OPALIN: variants seen among roughly 807,000 people sequenced by gnomAD.
OPALIN encodes oligodendrocytic myelin paranodal and inner loop protein.
Under a neutral mutation model 17.8 loss-of-function variants are expected in OPALIN, and 15 were observed. The observed-to-expected ratio is 0.84, with a 90% confidence interval of 0.56 to 1.29. OPALIN has a LOEUF of 1.29. Among genes scored for constraint, OPALIN ranks in the 50% most tolerant of loss-of-function variants. The pLI is 0.00. For synonymous variants in OPALIN, 62 were observed against 63.8 expected, an observed-to-expected ratio of 0.97 and a Z score of 0.14; for missense variants, 170 against 176.0, an observed-to-expected ratio of 0.97 and a Z score of 0.19.
At chr10:96,353,792 C>G (rs1412099240) in intron 2 of OPALIN, among the ~76,000 whole-genome samples, 1 of 152,070 alleles carries the variant, frequency 6.6e-6, no homozygotes, top group Non-Finnish European at 1.5e-5. Context: ...AAGGTTTTGA[C>G]AGGAAAAAGA....
intron 1 of OPALIN, chr10:96,356,800 C>T: frequency 2.5e-6 from 2 of 797,096 alleles, no homozygotes; most frequent in Non-Finnish European, 3.0e-6. Context: ...CCTCTGCTCA[C>T]TTCTCCCCCT....
At chr10:96,354,128 C>A (rs1413153205) in intron 2 of OPALIN, among the ~76,000 whole-genome samples, 1 of 152,012 alleles carries the variant, frequency 6.6e-6, no homozygotes, top group Non-Finnish European at 1.5e-5. Context: ...ACAGCCAAGC[C>A]CACTAAAAAA....
intron 5 of OPALIN, 116 bp from the exon 6 acceptor site, chr10:96,346,233 A>G: frequency 2.4e-6 from 2 of 822,864 alleles, no homozygotes; most frequent in Non-Finnish European, 4.0e-6. Context: ...CAGACACAAC[A>G]TTTGAAGCAA....
intron 1 of OPALIN, among the ~76,000 whole-genome samples, chr10:96,355,928 C>T (rs77193503): frequency 0.061 from 9,247 of 152,278 alleles, 823 homozygotes; most frequent in East Asian, 0.44. Flanking sequence ...ATTTAAAGAT[C>T]GTGGGCTCAG....
intron 1 of OPALIN, among the ~76,000 whole-genome samples, chr10:96,358,606 G>C (rs1246026231): frequency 1.3e-5 from 2 of 152,194 alleles, no homozygotes; most frequent in Non-Finnish European, 2.9e-5. Flanking sequence ...AAGTAAGACA[G>C]ATAAAATCGT....
chr10:96,351,345 T>C (rs1845568900), intron 3 of OPALIN, 33 bp downstream of exon 3: 7 of 1,277,426 alleles, frequency 5.5e-6, no homozygotes, highest in Non-Finnish European at 7.8e-6. Flanking sequence ...ATTATTATTA[T>C]CCCCATTTTA....
intron 5 of OPALIN, among the ~76,000 whole-genome samples, chr10:96,347,727 C>T (rs945700719): frequency 6.6e-6 from 1 of 152,168 alleles, no homozygotes. Context: ...CCCGCCTCAG[C>T]CTCCCAAAAT....
At chr10:96,353,968 C>A (rs954875286) in intron 2 of OPALIN, among the ~76,000 whole-genome samples, 2 of 152,168 alleles carry the variant, frequency 1.3e-5, no homozygotes, top group African/African-American at 4.8e-5. Context: ...ACAGGTCCAG[C>A]AATAAGTCAC....
chr10:96,356,896 G>T, intron 1 of OPALIN: 1 of 985,298 alleles, frequency 1.0e-6, no homozygotes, highest in Non-Finnish European at 1.2e-6. Context: ...CAACTACTTA[G>T]CTGTCACCAG....
At chr10:96,355,946 C>A (rs916857674) in intron 1 of OPALIN, among the ~76,000 whole-genome samples, 1 of 152,186 alleles carries the variant, frequency 6.6e-6, no homozygotes, top group Admixed American at 6.5e-5. Flanking sequence ...CAGTGGAGCA[C>A]CAAGTAGCCT....
At chr10:96,351,645 C>T (rs1845586602) in intron 2 of OPALIN, among the ~76,000 whole-genome samples, 1 of 152,194 alleles carries the variant, frequency 6.6e-6, no homozygotes, top group East Asian at 1.9e-4. Context: ...CTTCATTATT[C>T]ACCCTGTGGA....
intron 2 of OPALIN, chr10:96,353,383 C>T: frequency 6.2e-7 from 1 of 1,607,324 alleles, no homozygotes. Flanking sequence ...TCCCAGGCTA[C>T]CCAGCTGCAC....
chr10:96,354,507 A>T (rs1845722003), intron 2 of OPALIN, among the ~76,000 whole-genome samples: 1 of 152,228 alleles, frequency 6.6e-6, no homozygotes, highest in Admixed American at 6.5e-5. Context: ...ATATGATCAC[A>T]TGATTATGTG....
intron 2 of OPALIN, among the ~76,000 whole-genome samples, chr10:96,354,248 G>A (rs935798105): frequency 3.3e-5 from 5 of 152,076 alleles, no homozygotes; most frequent in Non-Finnish European, 7.4e-5. Context: ...CGGAGGATCA[G>A]CTGTGGATTG....
At chr10:96,355,191 C>T in intron 2 of OPALIN, 64 bp downstream of exon 2, 4 of 1,323,546 alleles carry the variant, frequency 3.0e-6, no homozygotes, top group South Asian at 1.2e-5. Context: ...GTTCTGGAGA[C>T]CTACTGTAAA....
chr10:96,355,504 G>A (rs1241467505), intron 1 of OPALIN, among the ~76,000 whole-genome samples: 1 of 152,102 alleles, frequency 6.6e-6, no homozygotes, highest in Admixed American at 6.6e-5. Context: ...AGTCAGTCTT[G>A]CCACCGCCCC....
In OPALIN at chr10:96,349,691, A is replaced by G; in HGVS notation, c.192+16T>C. The G allele has an allele frequency of 6.2e-7, 1 of 1,610,606 alleles. No homozygotes were observed. The highest frequency in any genetic ancestry group is 1.3e-5 in the African/African-American group (1 of 74,784). On this transcript the variant is annotated intron_variant, in intron 4 of 5. Transcript: ENST00000371172. The stretch of plus-strand genomic sequence containing the variant: ...TGGCTGCCTATACATCTGGACCCAA[A>G]GAAGCTAGTAATCACCTCCATGGCC...
At position 96,343,803 on chromosome 10, in the gene OPALIN, T is replaced by C. The variant is rs1845194873; in HGVS notation, c.*2138A>G. ...GGTTCATAGAACATGTTCTTGGTTA[T>C]TCAGGGAAGAGGGGCATGTTTCTGA... On this transcript the variant is annotated 3_prime_UTR_variant, in exon 6 of 6. Transcript: ENST00000371172. The C allele has an allele frequency of 6.6e-6, 1 of 152,260 alleles. No homozygotes were observed. The highest frequency in any genetic ancestry group is 1.5e-5 in the Non-Finnish European group (1 of 68,050). 9.4% of individuals were successfully genotyped at this position (152,260 alleles called of 1,614,324 possible). A position where few individuals can be genotyped will look rare whatever the true frequency, so the allele number is the denominator to read the frequency against.
In OPALIN at chr10:96,345,117, A is replaced by G. The variant is rs980976929; in HGVS notation, c.*824T>C. 1 of 152,236 alleles carries G rather than the reference A, an allele frequency of 6.6e-6. No individual in the cohort carries two copies. The highest frequency in any genetic ancestry group is 1.5e-5 in the Non-Finnish European group (1 of 68,048). 9.4% of individuals were successfully genotyped at this position (152,236 alleles called of 1,614,324 possible). On this transcript the variant is annotated 3_prime_UTR_variant, in exon 6 of 6. Coordinates refer to ENST00000371172, the MANE Select transcript of OPALIN (RefSeq NM_033207.5). ...TGTTCCCTTGTGTGGCCCTGTGACTATGGGGAACAAATGCTGGTGATTAGC... is the reference window on the plus strand; with the variant it reads ...TGTTCCCTTGTGTGGCCCTGTGACTGTGGGGAACAAATGCTGGTGATTAGC...
Sources: gnomAD v4.1 joint callset for allele counts (sites outside exome capture counted in the v4.1 genomes callset) on GRCh38, gnomAD v4.1.1 for gene constraint, MANE v1.5 for transcripts, NCBI Gene and HGNC (gene_info 2026-07-23, HGNC 2026-07-21) for gene names.